LEMD3: variants seen among roughly 807,000 people sequenced by gnomAD.
The protein encoded by LEMD3 is inner nuclear membrane protein Man1.
A neutral mutation model predicts 95.2 loss-of-function variants in LEMD3; 33 were observed. That is an observed-to-expected ratio of 0.35 (90% CI 0.26 to 0.46). The LOEUF (loss-of-function observed/expected upper bound fraction) is 0.46. Ranked by LOEUF, LEMD3 falls within the 20% of genes least tolerant of loss-of-function variation. LEMD3 has a pLI of 1.00. For synonymous variants in LEMD3, 525 were observed against 474.6 expected, an observed-to-expected ratio of 1.11 and a Z score of -1.38; for missense variants, 1,210 against 1,192.8, an observed-to-expected ratio of 1.01 and a Z score of -0.21.
rs139476203 is a variant in LEMD3, at chr12:65,246,550, A to G, written c.*225A>G. On this transcript the variant is annotated 3_prime_UTR_variant, in exon 13 of 13. Coordinates refer to ENST00000308330, the MANE Select transcript of LEMD3 (RefSeq NM_014319.5). ...CAGTTTTTGGAGCTCAGTTAAGCCAATACATTTAAAGTTTTGCATGAGGAA... is the reference window on the plus strand; with the variant it reads ...CAGTTTTTGGAGCTCAGTTAAGCCAGTACATTTAAAGTTTTGCATGAGGAA... The G allele has an allele frequency of 9.5e-4, 504 of 528,040 alleles. 1 individual carries two copies. The highest frequency in any genetic ancestry group is 8.0e-3 in the African/African-American group (422 of 52,440). 32.7% of individuals were successfully genotyped at this position (528,040 alleles called of 1,614,324 possible).
chr12:65,227,594 A>G (rs1337632924), intron 4 of LEMD3, among the ~76,000 whole-genome samples: 1 of 152,194 alleles, frequency 6.6e-6, no homozygotes, highest in African/African-American at 2.4e-5. Flanking sequence ...GATTACTGAT[A>G]ATACAATGTA....
chr12:65,185,664 A>T (rs1334911548), intron 1 of LEMD3, among the ~76,000 whole-genome samples: 1 of 150,508 alleles, frequency 6.6e-6, no homozygotes, highest in Non-Finnish European at 1.5e-5. Context: ...GTTACAAGGA[A>T]ATTATATATA....
intron 4 of LEMD3, 59 bp downstream of exon 4, chr12:65,218,678 CT>C: frequency 1.0e-6 from 1 of 958,910 alleles, no homozygotes; most frequent in Admixed American, 2.0e-5. Flanking sequence ...TAAATCATTG[CT>C]ACTTGTAAGA....
intron 1 of LEMD3, among the ~76,000 whole-genome samples, chr12:65,187,524 C>A (rs944766176): frequency 6.6e-6 from 1 of 151,996 alleles, no homozygotes; most frequent in Non-Finnish European, 1.5e-5. Context: ...TGTCCCTGTA[C>A]TGTACTATCT....
At chr12:65,214,767 C>G (rs1028363721) in intron 2 of LEMD3, among the ~76,000 whole-genome samples, 1 of 152,266 alleles carries the variant, frequency 6.6e-6, no homozygotes. Context: ...AAAGACAGAG[C>G]CCCCTGATAA....
At chr12:65,229,019 A>G (rs1240582078) in intron 4 of LEMD3, among the ~76,000 whole-genome samples, 1 of 152,116 alleles carries the variant, frequency 6.6e-6, no homozygotes, top group Non-Finnish European at 1.5e-5. Flanking sequence ...TCTAGTAACC[A>G]CTATTCTCTT....
intron 4 of LEMD3, among the ~76,000 whole-genome samples, chr12:65,219,862 A>T (rs547213309): frequency 6.6e-6 from 1 of 152,282 alleles, no homozygotes; most frequent in East Asian, 1.9e-4. Context: ...TTTCATCCAT[A>T]TTGTAACATG....
intron 4 of LEMD3, among the ~76,000 whole-genome samples, chr12:65,224,020 T>A (rs77082370): frequency 0.03 from 4,532 of 152,224 alleles, 225 homozygotes; most frequent in African/African-American, 0.1. Context: ...TCTCTCTTCA[T>A]CCTTTATATT....
chr12:65,170,386 G>A lies in LEMD3; in HGVS notation c.790G>A (p.Glu264Lys). ...CRENYSDSEEEDDDDVASSRQ... is the reference protein window; with the variant it reads ...CRENYSDSEEKDDDDVASSRQ... The stretch of plus-strand genomic sequence containing the variant: ...GGAAAACTATTCGGACTCAGAGGAA[G>A]AGGACGACGACGACGTGGCCTCCAG... Residue 264 changes from glutamate (E) to lysine (K), a missense_variant, in exon 1 of 13, where the codon GAG becomes AAG. Coordinates refer to ENST00000308330, the MANE Select transcript of LEMD3 (RefSeq NM_014319.5). 3 of 1,614,050 alleles carry A rather than the reference G, an allele frequency of 1.9e-6. No individual in the cohort carries two copies. The highest frequency in any genetic ancestry group is 2.5e-6 in the Non-Finnish European group (3 of 1,179,952).
intron 1 of LEMD3, among the ~76,000 whole-genome samples, chr12:65,185,694 A>G (rs1002932433): frequency 2.0e-5 from 3 of 150,718 alleles, no homozygotes; most frequent in Admixed American, 6.6e-5. Flanking sequence ...TATAATATAT[A>G]TAGCATTTAT....
Position 65,241,319 on chromosome 12 carries a change from C to T in LEMD3, c.2305+232C>T, listed in dbSNP as rs1430931071. Among the ~76,000 whole-genome samples, 6 of 151,868 alleles carry T rather than the reference C, an allele frequency of 4.0e-5. No individual in the cohort carries two copies. The South Asian group carries it at 1.0e-3, about 26-fold the overall frequency. On this transcript the variant is annotated intron_variant, in intron 9 of 12. Transcript: ENST00000308330. ...AAGATGAATATTCCTTGAATCTTGC[C>T]TTTTTCACTTAATGAAGCAACTTAG...
At chr12:65,209,946 C>T (rs1869887126) in intron 1 of LEMD3, among the ~76,000 whole-genome samples, 1 of 151,834 alleles carries the variant, frequency 6.6e-6, no homozygotes, top group South Asian at 2.1e-4. Context: ...TAGTTGTGGC[C>T]TGGATTATAT....
chr12:65,185,348 C>T (rs984136540), intron 1 of LEMD3, among the ~76,000 whole-genome samples: 3 of 152,126 alleles, frequency 2.0e-5, no homozygotes, highest in African/African-American at 4.8e-5. Context: ...TACAATTCTA[C>T]AATTTTCTGT....
In LEMD3 at chr12:65,169,941, A is replaced by G. The variant is rs530591432; in HGVS notation, c.345A>G (p.Pro115=). The change falls in exon 1 of 13, where the codon CCA becomes CCG. Residue 115 remains proline, a synonymous_variant. Transcript: ENST00000308330. The part of the protein sequence containing the change: ...GGLCRISASG[P]ESLLGGPGGA... ...TGTGCCGAATCTCGGCCTCTGGCCC[A>G]GAGAGCCTCCTGGGAGGGCCCGGGG... is the stretch of plus-strand genomic sequence containing the variant. The G allele has an allele frequency of 9.6e-5, 139 of 1,453,454 alleles. No homozygotes were observed. Among genetic ancestry groups the G allele is most frequent in the Middle Eastern group, 4.2e-4 (2 of 4,774 alleles). 90.0% of individuals were successfully genotyped at this position (1,453,454 alleles called of 1,614,324 possible). A position where few individuals can be genotyped will look rare whatever the true frequency, so the allele number is the denominator to read the frequency against.
chr12:65,189,569 G>A (rs113835409), intron 1 of LEMD3, among the ~76,000 whole-genome samples: 1 of 152,200 alleles, frequency 6.6e-6, no homozygotes, highest in African/African-American at 2.4e-5. Flanking sequence ...TAGATACAAT[G>A]TCAAGGACAA....
At position 65,240,212 on chromosome 12, in the gene LEMD3, C is replaced by G. The variant is rs199712960; in HGVS notation, c.2100C>G (p.Arg700=). 1 of 1,612,876 alleles carries G rather than the reference C, an allele frequency of 6.2e-7. No individual in the cohort carries two copies. Among genetic ancestry groups the G allele is most frequent in the African/African-American group, 1.3e-5 (1 of 74,998 alleles). ...LQPYMPIPHV[R]DSLIQPHDRK... is the part of the protein sequence containing the mutation. ...CTTACATGCCTATTCCACATGTACG[C>G]GATTCCTTAATACAGCCTCATGACA... The change falls in exon 8 of 13, where the codon CGC becomes CGG. Residue 700 remains arginine, a synonymous_variant. Coordinates refer to ENST00000308330, the MANE Select transcript of LEMD3 (RefSeq NM_014319.5).
Position 65,240,237 on chromosome 12 carries a change from A to G in LEMD3, c.2125A>G (p.Arg709Gly). The G allele has an allele frequency of 6.2e-7, 1 of 1,602,438 alleles. No homozygotes were observed. Among genetic ancestry groups the G allele is most frequent in the Non-Finnish European group, 8.6e-7 (1 of 1,169,424 alleles). ...CGATTCCTTAATACAGCCTCATGAC[A>G]GGTGTGTTCAAAGCATTATGAGTTC... ...VRDSLIQPHD[R>G]KKMKKVWDRA... Residue 709 changes from arginine (R) to glycine (G), a missense_variant and splice_region_variant, in exon 8 of 13, where the codon AGG (arginine) becomes GGG (glycine). Physicochemically the swap from Arg to Gly is moderately radical, Grantham distance 125. Coordinates refer to ENST00000308330, the MANE Select transcript of LEMD3 (RefSeq NM_014319.5).
chr12:65,218,318 T>G (rs1269519563), intron 3 of LEMD3, among the ~76,000 whole-genome samples: 1 of 152,218 alleles, frequency 6.6e-6, no homozygotes, highest in African/African-American at 2.4e-5. Flanking sequence ...TTAAAAGTTG[T>G]GGTTAATGTA....
intron 1 of LEMD3, among the ~76,000 whole-genome samples, chr12:65,176,329 G>T (rs1164817730): frequency 4.6e-5 from 7 of 152,296 alleles, no homozygotes; most frequent in Non-Finnish European, 8.8e-5. Context: ...TGAACTGTTT[G>T]CTGTTTTCTG....
Sources: allele counts gnomAD v4.1 joint callset (sites outside exome capture counted in the v4.1 genomes callset), GRCh38; gene constraint gnomAD v4.1.1; transcripts MANE v1.5; gene names NCBI Gene and HGNC (gene_info 2026-07-23, HGNC 2026-07-21).